The following MSLN variants were observed in gnomAD, a reference collection of about 807,000 sequenced individuals.
MSLN encodes the protein CAK1 antigen.
MSLN carries 82 observed loss-of-function variants against 72.6 expected under a neutral mutation model. That is an observed-to-expected ratio of 1.13 (90% confidence interval 0.94 to 1.36). The LOEUF (loss-of-function observed/expected upper bound fraction) is 1.36. Ranked by LOEUF, MSLN falls within the 40% of genes most tolerant of loss-of-function variation. MSLN has a pLI of 0.00. For synonymous variants in MSLN, 456 were observed against 387.3 expected (o/e 1.18, Z -2.08); for missense variants, 1,005 against 847.9 (o/e 1.19, Z -2.30).
chr16:768,291 G>C (rs975135496), intron 16 of MSLN, 88 bp from the exon 17 acceptor site: 9 of 1,355,610 alleles, frequency 6.6e-6, no homozygotes, highest in African/African-American at 1.5e-5. Context: ...TGTGGGTGGG[G>C]CAGTTTGGAC....
In MSLN at chr16:768,334, G is replaced by C. The variant is rs764113296; in HGVS notation, c.1597-45G>C. 9.4e-6 allele frequency: 14 copies of C among 1,491,150 alleles called. No homozygotes were observed. In the South Asian group the frequency reaches 1.1e-4, roughly 12 times the overall value. The allele number at this position is 1,491,150 out of a possible 1,614,324, so 92.4% of individuals were successfully genotyped here. ...AGCCTGGCAGCCCTCTGGCGGCGCT[G>C]AGGGAAGGAGACCCTCCTTGATGGC... On this transcript the variant is annotated intron_variant, in intron 16 of 17. Transcript: ENST00000545450.
rs143402842 is a variant in MSLN, at chr16:767,457, C to G, written c.1583C>G (p.Thr528Arg). ...TTGGCCACGTTCATGAAGCTGCGGA[C>G]GGATGCGGTGCTGGTATGGCGAGCG... ...MDLATFMKLRTDAVLPLTVAE... is the reference protein window; with the variant it reads ...MDLATFMKLRRDAVLPLTVAE... Residue 528 changes from threonine to arginine, a missense_variant, in exon 16 of 18, where the codon ACG becomes AGG. By Grantham distance (71) the Thr-to-Arg change is moderately conservative. Transcript: ENST00000545450. The G allele has an allele frequency of 1.9e-5, 28 of 1,500,110 alleles. No homozygotes were observed. The highest frequency in any genetic ancestry group is 5.7e-5 in the Admixed American group (3 of 52,784). 92.9% of individuals were successfully genotyped at this position (1,500,110 alleles called of 1,614,324 possible).
Position 764,914 on chromosome 16 carries a change from G to T in MSLN, c.388G>T (p.Ala130Ser). ...AGCACCCTCTCTTCACAGCCCAGAT[G>T]CGTTCTCGGGGCCCCAGGCCTGCAC... Reference protein sequence around the residue: ...LDLLLFLNPDAFSGPQACTRF... With the variant: ...LDLLLFLNPDSFSGPQACTRF... Residue 130 changes from alanine to serine, a missense_variant, in exon 8 of 18, where the codon GCG becomes TCG. Ala to Ser is a moderately conservative substitution (Grantham distance 99). Coordinates refer to ENST00000545450, the MANE Select transcript of MSLN (RefSeq NM_005823.6). The T allele has an allele frequency of 6.2e-7, 1 of 1,611,794 alleles. No homozygotes were observed. Among genetic ancestry groups the T allele is most frequent in the African/African-American group, 1.3e-5 (1 of 75,058 alleles).
chr16:761,902 G>C (rs2041540949), intron 2 of MSLN, among the ~76,000 whole-genome samples: 1 of 152,214 alleles, frequency 6.6e-6, no homozygotes, highest in South Asian at 2.1e-4. Context: ...CGCCATGGTG[G>C]CCTCCCTGAA....
intron 6 of MSLN, 138 bp from the exon 7 acceptor site, chr16:764,509 G>A (rs1246199352): frequency 1.2e-6 from 1 of 829,788 alleles, no homozygotes; most frequent in East Asian, 2.4e-5. Flanking sequence ...AGCGCTGCAG[G>A]CGGCCAGAGA....
At chr16:766,548 G>C in intron 13 of MSLN, 58 bp downstream of exon 13, 1 of 1,610,142 alleles carries the variant, frequency 6.2e-7, no homozygotes, top group East Asian at 2.2e-5. Flanking sequence ...GAGGGGCAGA[G>C]TGGGGGACAA....
At position 762,735 on chromosome 16, in the gene MSLN, G is replaced by C. The variant is rs754893197; in HGVS notation, c.55G>C (p.Gly19Arg). 2 of 1,602,134 alleles carry C rather than the reference G, an allele frequency of 1.2e-6. No individual in the cohort carries two copies. The change falls in exon 3 of 18, where the codon GGC (glycine) becomes CGC (arginine). Residue 19 changes from glycine (G) to arginine (R), a missense_variant. By Grantham distance (125) the Gly-to-Arg change is moderately radical. Transcript: ENST00000545450. ...LLGSCGTPAL[G>R]SLLFLLFSLG... ...GGGGTCCTGTGGGACCCCCGCCCTCGGCAGCCTCCTGTTCCTGCTCTTCAG... is the reference window on the plus strand; with the variant it reads ...GGGGTCCTGTGGGACCCCCGCCCTCCGCAGCCTCCTGTTCCTGCTCTTCAG...
intron 7 of MSLN, 72 bp from the exon 8 acceptor site, chr16:764,835 C>T (rs1005730114): frequency 3.5e-5 from 56 of 1,588,658 alleles, no homozygotes; most frequent in Admixed American, 5.2e-5. Flanking sequence ...ATGTGGAGGC[C>T]GGCCGGGCTG....
chr16:765,293 C>G lies in MSLN; in HGVS notation c.694C>G (p.Pro232Ala), dbSNP rs773595716. The G allele has an allele frequency of 3.8e-6, 6 of 1,575,530 alleles. No homozygotes were observed. The highest frequency in any genetic ancestry group is 5.1e-6 in the Non-Finnish European group (6 of 1,167,348). The stretch of plus-strand genomic sequence containing the variant: ...CAGGGCGGCTCTGCAGGGCGGGGGA[C>G]CCCCCTACGGGTAAGTGAAGGTGTC... Reference protein sequence around the residue: ...AARAALQGGGPPYGPPSTWSV... With the variant: ...AARAALQGGGAPYGPPSTWSV... Residue 232 changes from proline to alanine, a missense_variant, in exon 9 of 18, where the codon CCC (proline) becomes GCC (alanine). Physicochemically the swap from Pro to Ala is conservative, Grantham distance 27. Transcript: ENST00000545450.
intron 2 of MSLN, 69 bp downstream of exon 2, chr16:761,243 T>G (rs2041533008): frequency 1.3e-5 from 2 of 152,300 alleles, no homozygotes; most frequent in African/African-American, 4.8e-5. Flanking sequence ...TCTGGAGAAC[T>G]GGGGCCGCCC....
In MSLN at chr16:763,710, C is replaced by T. The variant is rs2041564799; in HGVS notation, c.179+19C>T. The T allele has an allele frequency of 6.3e-7, 1 of 1,595,328 alleles. No individual in the cohort carries two copies. Among genetic ancestry groups the T allele is most frequent in the Non-Finnish European group, 8.5e-7 (1 of 1,170,120 alleles). ...TTTCCAGGTGGGTCTGGGGTCCTCA[C>T]AGTCCTCAAGGGTGAGGCTCGAGGG... On this transcript the variant is annotated intron_variant, in intron 5 of 17. Transcript: ENST00000545450.
At position 766,345 on chromosome 16, in the gene MSLN, A is replaced by G; in HGVS notation, c.1085A>G (p.Gln362Arg). ...TCTCTTGGCCTGCAGCTCTACCCAC[A>G]AGGTTACCCCGAGTCTGTGATCCAG... ...LKHKLDELYP[Q>R]GYPESVIQHL... The change falls in exon 13 of 18, where the codon CAA (glutamine) becomes CGA (arginine). Residue 362 changes from glutamine (Q) to arginine (R), a missense_variant. Transcript: ENST00000545450. The G allele has an allele frequency of 5.6e-6, 9 of 1,612,636 alleles. No homozygotes were observed. The highest frequency in any genetic ancestry group is 2.7e-5 in the African/African-American group (2 of 75,040).
At chr16:764,182 G>T (rs1293932068) in intron 6 of MSLN, 39 bp downstream of exon 6, 1 of 1,585,780 alleles carries the variant, frequency 6.3e-7, no homozygotes, top group Admixed American at 1.7e-5. Context: ...GGCACAGCTG[G>T]GGCTGAGGAA....
chr16:761,432 C>T (rs2041535296), intron 2 of MSLN, among the ~76,000 whole-genome samples: 1 of 152,218 alleles, frequency 6.6e-6, no homozygotes, highest in Non-Finnish European at 1.5e-5. Context: ...CAGGGCCCCC[C>T]ATGGCCTGCA....
intron 2 of MSLN, 150 bp downstream of exon 2, chr16:761,324 AC>A (rs1483586883): frequency 6.6e-6 from 1 of 152,328 alleles, no homozygotes. Flanking sequence ...CGCAGGGCAC[AC>A]GCAGACCCAT....
Position 766,180 on chromosome 16 carries a change from G to A in MSLN, c.1017G>A (p.Val339=), listed in dbSNP as rs1275362317. 1.2e-5 allele frequency: 19 copies of A among 1,612,662 alleles called. No homozygotes were observed. The highest frequency in any genetic ancestry group is 1.4e-5 in the Non-Finnish European group (17 of 1,179,842). Residue 339 remains valine (V), a synonymous_variant, in exon 12 of 18, where the codon GTG becomes GTA. Coordinates refer to ENST00000545450, the MANE Select transcript of MSLN (RefSeq NM_005823.6). ...TGCTGGCCACCCAGATGGACCGCGT[G>A]AACGCCATCCCCTTCACCTACGAGC... ...AALLATQMDR[V]NAIPFTYEQL...
Position 766,246 on chromosome 16 carries a change from T to C in MSLN, c.1074+9T>C, listed in dbSNP as rs763307551. The C allele has an allele frequency of 3.7e-6, 6 of 1,608,226 alleles. No homozygotes were observed. Among genetic ancestry groups the C allele is most frequent in the Middle Eastern group, 1.7e-4 (1 of 6,046 alleles). On this transcript the variant is annotated intron_variant, in intron 12 of 17. Transcript: ENST00000545450. ...AGCATAAACTGGATGAGGTAGTTCA[T>C]GACTCAAGTTCCCACCGGCCTGCTG... is the stretch of plus-strand genomic sequence containing the variant.
intron 6 of MSLN, 26 bp from the exon 7 acceptor site, chr16:764,621 C>A (rs761507854): frequency 1.2e-6 from 2 of 1,605,564 alleles, no homozygotes; most frequent in South Asian, 2.2e-5. Flanking sequence ...TCGAAACGCT[C>A]TGTGCTGGAC....
At chr16:762,888 A>G in intron 3 of MSLN, 123 bp downstream of exon 3, 1 of 763,204 alleles carries the variant, frequency 1.3e-6, no homozygotes, top group Non-Finnish European at 2.1e-6. Flanking sequence ...GCCACGTCTC[A>G]GCAGCAGTCT....
Sources: allele counts gnomAD v4.1 joint callset (sites outside exome capture counted in the v4.1 genomes callset), GRCh38; gene constraint gnomAD v4.1.1; transcripts MANE v1.5; gene names NCBI Gene and HGNC (gene_info 2026-07-23, HGNC 2026-07-21).